Variants in NFIA observed in about 807,000 individuals in gnomAD.
NFIA encodes the protein nuclear factor I A, also known as nuclear factor 1 A-type.
A neutral mutation model predicts 62.8 loss-of-function variants in NFIA; 8 were observed. The observed-to-expected ratio is 0.13, with a 90% CI of 0.07 to 0.23. The LOEUF is 0.23. Ranked by LOEUF, NFIA falls within the 10% of genes least tolerant of loss-of-function variation. NFIA has a pLI of 1.00. For missense variants in NFIA, 410 were observed against 642.1 expected (o/e 0.64, Z 3.91); for synonymous variants, 235 against 238.1 (o/e 0.99, Z 0.12).
At chr1:61,179,675 G>A (rs12086085) in intron 2 of NFIA, among the ~76,000 whole-genome samples, 23,107 of 152,018 alleles carry the variant, frequency 0.15, 2,758 homozygotes, top group African/African-American at 0.31. Context: ...ATATCCTGAC[G>A]CTTTGAAAGT....
chr1:61,215,246 A>T (rs1435840465), intron 2 of NFIA, among the ~76,000 whole-genome samples: 7 of 152,212 alleles, frequency 4.6e-5, no homozygotes, highest in East Asian at 1.9e-4. Flanking sequence ...AAAATCTTTC[A>T]TGCAACTTAC....
chr1:61,077,852 CT>C (rs1179358669), upstream of NFIA, among the ~76,000 whole-genome samples: 679 of 113,358 alleles, frequency 6.0e-3, 1 homozygote, highest in African/African-American at 0.017. Context: ...TTTTCTTTTT[CT>C]TTTTTTTTTT....
At chr1:61,346,471 G>A (rs1662233404) in intron 4 of NFIA, among the ~76,000 whole-genome samples, 2 of 152,178 alleles carry the variant, frequency 1.3e-5, no homozygotes, top group African/African-American at 2.4e-5. Flanking sequence ...AGTATACTGT[G>A]TTACATACAT....
intron 6 of NFIA, among the ~76,000 whole-genome samples, chr1:61,379,818 G>A (rs1207409798): frequency 6.6e-6 from 1 of 152,114 alleles, no homozygotes. Flanking sequence ...CTCCCACAGT[G>A]CTGAGATTAT....
chr1:61,442,566 T>TA (rs376261777), intron 10 of NFIA, among the ~76,000 whole-genome samples: 248 of 140,400 alleles, frequency 1.8e-3, no homozygotes, highest in African/African-American at 2.7e-3. Flanking sequence ...CAGAGTTGCT[T>TA]AAAAAAAAAA....
chr1:61,426,212 TAGA>T (rs1351367468), intron 9 of NFIA, among the ~76,000 whole-genome samples: 1 of 152,184 alleles, frequency 6.6e-6, no homozygotes, highest in African/African-American at 2.4e-5. Context: ...ATTTGTATGG[TAGA>T]AGGAGAAAAT....
At chr1:61,259,628 AG>A (rs1656630523) in intron 2 of NFIA, among the ~76,000 whole-genome samples, 1 of 152,236 alleles carries the variant, frequency 6.6e-6, no homozygotes, top group Non-Finnish European at 1.5e-5. Flanking sequence ...TTAGAATAGA[AG>A]GATGGAATCC....
chr1:61,174,198 G>A (rs1012123229), intron 2 of NFIA, among the ~76,000 whole-genome samples: 2 of 152,156 alleles, frequency 1.3e-5, no homozygotes, highest in Admixed American at 6.5e-5. Context: ...AGAGGTCGGC[G>A]GCTAAATGTG....
chr1:61,441,292 G>GGGGTGTGT (rs1265393029), intron 10 of NFIA, among the ~76,000 whole-genome samples: 2 of 139,372 alleles, frequency 1.4e-5, no homozygotes, highest in East Asian at 2.2e-4. Flanking sequence ...GCCGTGCAGG[G>GGGGTGTGT]GTGTGTGTGT....
At chr1:61,240,021 G>A (rs1655248915) in intron 2 of NFIA, among the ~76,000 whole-genome samples, 1 of 152,048 alleles carries the variant, frequency 6.6e-6, no homozygotes, top group Non-Finnish European at 1.5e-5. Context: ...TGCAGATACT[G>A]TCATTCAATA....
intron 2 of NFIA, among the ~76,000 whole-genome samples, chr1:61,219,129 G>A (rs1653840470): frequency 6.6e-6 from 1 of 151,788 alleles, no homozygotes; most frequent in Non-Finnish European, 1.5e-5. Flanking sequence ...TTACTCGAGA[G>A]GCTGAGGCAG....
chr1:61,322,075 T>C (rs947469312), intron 3 of NFIA, among the ~76,000 whole-genome samples: 1 of 152,194 alleles, frequency 6.6e-6, no homozygotes, highest in Non-Finnish European at 1.5e-5. Context: ...AATATACCTG[T>C]GTTCTAATCC....
chr1:61,291,678 A>G (rs1349759486), intron 3 of NFIA, among the ~76,000 whole-genome samples: 1 of 152,192 alleles, frequency 6.6e-6, no homozygotes, highest in African/African-American at 2.4e-5. Flanking sequence ...GATAACGGAT[A>G]GTGGTGTGCT....
intron 4 of NFIA, among the ~76,000 whole-genome samples, chr1:61,340,340 T>C (rs1159192841): frequency 6.6e-6 from 1 of 152,216 alleles, no homozygotes; most frequent in Non-Finnish European, 1.5e-5. Context: ...CATGATATTG[T>C]AAAACAGTAC....
chr1:61,202,568 C>G (rs1652579610), intron 2 of NFIA, among the ~76,000 whole-genome samples: 1 of 152,104 alleles, frequency 6.6e-6, no homozygotes, highest in Admixed American at 6.5e-5. Flanking sequence ...AATTATTACA[C>G]AGTAATATAA....
At chr1:61,175,281 A>G (rs1490851077) in intron 2 of NFIA, among the ~76,000 whole-genome samples, 1 of 152,064 alleles carries the variant, frequency 6.6e-6, no homozygotes, top group Non-Finnish European at 1.5e-5. Context: ...AGCTGGGACT[A>G]CAAGCTCGCA....
intron 3 of NFIA, 104 bp downstream of exon 3, chr1:61,277,689 G>A: frequency 2.7e-6 from 3 of 1,100,664 alleles, no homozygotes; most frequent in Non-Finnish European, 4.1e-6. Context: ...GTAGCCCACA[G>A]TAGGAACAAC....
chr1:61,352,922 T>A (rs1662631740), intron 5 of NFIA, among the ~76,000 whole-genome samples: 1 of 151,922 alleles, frequency 6.6e-6, no homozygotes, highest in South Asian at 2.1e-4. Flanking sequence ...GGAAAAGGAA[T>A]GGAATTCTGG....
intron 9 of NFIA, among the ~76,000 whole-genome samples, chr1:61,417,339 G>C (rs1666398550): frequency 6.9e-6 from 1 of 144,496 alleles, no homozygotes; most frequent in Admixed American, 7.1e-5. Context: ...TATCTAGTAT[G>C]CCATTAATTC....
Sources: allele counts gnomAD v4.1 joint callset (sites outside exome capture counted in the v4.1 genomes callset), GRCh38; gene constraint gnomAD v4.1.1; transcripts MANE v1.5; gene names NCBI Gene and HGNC (gene_info 2026-07-23, HGNC 2026-07-21).